The following GALNT17 variants were observed in gnomAD, a reference collection of about 807,000 sequenced individuals.
The protein encoded by GALNT17 is UDP-GalNAc:polypeptide N-acetylgalactosaminyltransferase-like 3.
A neutral mutation model predicts 63.7 loss-of-function variants in GALNT17; 29 were observed. The observed-to-expected ratio is 0.46, with a 90% CI of 0.34 to 0.62. The LOEUF (loss-of-function observed/expected upper bound fraction) is 0.62. Among genes scored for constraint, GALNT17 ranks in the 20% least tolerant of loss-of-function variants. The pLI is 0.01. For missense variants in GALNT17, 603 were observed against 799.6 expected, an observed-to-expected ratio of 0.75 and a Z score of 2.97; for synonymous variants, 305 against 318.3, an observed-to-expected ratio of 0.96 and a Z score of 0.45.
chr7:71,468,413 T>A (rs1242229344), intron 5 of GALNT17, among the ~76,000 whole-genome samples: 1 of 151,790 alleles, frequency 6.6e-6, no homozygotes, highest in African/African-American at 2.4e-5. Context: ...TATTTTATTT[T>A]ATTTATTATT....
chr7:71,533,458 C>G (rs1033481729), intron 5 of GALNT17, among the ~76,000 whole-genome samples: 3 of 152,162 alleles, frequency 2.0e-5, no homozygotes, highest in Non-Finnish European at 4.4e-5. Context: ...CTCTCATCCT[C>G]AGGAGAGATG....
At chr7:71,665,845 CTTA>C (rs1790977137) in intron 7 of GALNT17, among the ~76,000 whole-genome samples, 1 of 152,096 alleles carries the variant, frequency 6.6e-6, no homozygotes, top group South Asian at 2.1e-4. Flanking sequence ...TAATCCCAGT[CTTA>C]TTATGTTAAT....
chr7:71,649,138 T>C (rs1197727948), intron 6 of GALNT17, among the ~76,000 whole-genome samples: 1 of 152,206 alleles, frequency 6.6e-6, no homozygotes, highest in Non-Finnish European at 1.5e-5. Context: ...TCTCAGGCCC[T>C]TGGGCTTGGT....
chr7:71,369,418 T>C, intron 2 of GALNT17, among the ~76,000 whole-genome samples: 1 of 152,126 alleles, frequency 6.6e-6, no homozygotes, highest in Non-Finnish European at 1.5e-5. Context: ...GCCCAAAGTG[T>C]GAGGAGTAAA....
chr7:71,217,675 C>T (rs1263691120), intron 1 of GALNT17, among the ~76,000 whole-genome samples: 1 of 152,074 alleles, frequency 6.6e-6, no homozygotes, highest in Non-Finnish European at 1.5e-5. Context: ...CCTGTAATCC[C>T]AGCACTTTGG....
chr7:71,668,516 CAAA>C (rs56329930), intron 7 of GALNT17, among the ~76,000 whole-genome samples: 11 of 62,960 alleles, frequency 1.7e-4, no homozygotes, highest in Middle Eastern at 0.043. Context: ...GACACCATCT[CAAA>C]AAAAAAAAAA....
intron 9 of GALNT17, among the ~76,000 whole-genome samples, chr7:71,695,965 A>G (rs754368734): frequency 6.6e-6 from 1 of 152,190 alleles, no homozygotes; most frequent in South Asian, 2.1e-4. Context: ...GTCAATTTCA[A>G]TAATATACAC....
chr7:71,531,221 C>A (rs1237770325), intron 5 of GALNT17, among the ~76,000 whole-genome samples: 1 of 152,044 alleles, frequency 6.6e-6, no homozygotes, highest in Non-Finnish European at 1.5e-5. Context: ...CTATCACCTC[C>A]ATTATGCATC....
At chr7:71,530,603 T>C (rs1788703698) in intron 5 of GALNT17, among the ~76,000 whole-genome samples, 1 of 151,818 alleles carries the variant, frequency 6.6e-6, no homozygotes, top group Non-Finnish European at 1.5e-5. Context: ...AGACAGAGTC[T>C]CGCTCTGTCG....
chr7:71,607,480 AAGAT>A (rs1221667295), intron 6 of GALNT17, among the ~76,000 whole-genome samples: 27 of 152,226 alleles, frequency 1.8e-4, no homozygotes, highest in African/African-American at 6.5e-4. Flanking sequence ...AATTCTCAAT[AAGAT>A]AGAGGAGGGC....
chr7:71,678,268 G>C (rs933955394), intron 9 of GALNT17, among the ~76,000 whole-genome samples: 4 of 151,738 alleles, frequency 2.6e-5, no homozygotes, highest in African/African-American at 9.7e-5. Flanking sequence ...GAGATTACAG[G>C]CTTGCACCAC....
chr7:71,160,167 G>A (rs1333212964), intron 1 of GALNT17, among the ~76,000 whole-genome samples: 3 of 152,092 alleles, frequency 2.0e-5, no homozygotes, highest in Non-Finnish European at 2.9e-5. Flanking sequence ...TAAATTTATC[G>A]TAATTCTAAA....
chr7:71,250,843 C>T (rs976079879), intron 1 of GALNT17, among the ~76,000 whole-genome samples: 4 of 152,156 alleles, frequency 2.6e-5, no homozygotes, highest in East Asian at 1.9e-4. Context: ...CTTCTGTGTG[C>T]GCCTTTCTTA....
At chr7:71,182,681 G>T (rs767409274) in intron 1 of GALNT17, among the ~76,000 whole-genome samples, 4 of 152,024 alleles carry the variant, frequency 2.6e-5, no homozygotes, top group Non-Finnish European at 5.9e-5. Flanking sequence ...ACAAGCAGAC[G>T]AGGAGGCTTT....
At chr7:71,489,649 G>A (rs1383923142) in intron 5 of GALNT17, among the ~76,000 whole-genome samples, 1 of 152,246 alleles carries the variant, frequency 6.6e-6, no homozygotes, top group Admixed American at 6.5e-5. Flanking sequence ...ACCAGCCAAC[G>A]AGACATGGGA....
intron 5 of GALNT17, 55 bp downstream of exon 5, chr7:71,421,160 A>G: frequency 6.3e-7 from 1 of 1,594,656 alleles, no homozygotes; most frequent in Non-Finnish European, 8.6e-7. Context: ...AAGGGTAAAA[A>G]GGAGCTACTG....
At chr7:71,677,184 T>C (rs998105352) in intron 8 of GALNT17, 27 bp from the exon 9 acceptor site, 2 of 1,612,094 alleles carry the variant, frequency 1.2e-6, no homozygotes, top group Admixed American at 1.7e-5. Flanking sequence ...TGAGCTCTCA[T>C]GGGTCGTGTT....
At chr7:71,527,424 T>C (rs746815650) in intron 5 of GALNT17, among the ~76,000 whole-genome samples, 24 of 152,220 alleles carry the variant, frequency 1.6e-4, no homozygotes, top group Admixed American at 2.0e-4. Flanking sequence ...GTTTCTGGTA[T>C]GTAATTGAAA....
intron 6 of GALNT17, among the ~76,000 whole-genome samples, chr7:71,644,545 A>AAC (rs1790648238): frequency 1.5e-5 from 2 of 135,964 alleles, no homozygotes; most frequent in African/African-American, 6.9e-5. Flanking sequence ...AAAAAAAAAA[A>AAC]AAAACAAAAG....
Sources: allele counts gnomAD v4.1 joint callset (sites outside exome capture counted in the v4.1 genomes callset), GRCh38; gene constraint gnomAD v4.1.1; transcripts MANE v1.5; gene names NCBI Gene and HGNC (gene_info 2026-07-23, HGNC 2026-07-21).